Variants in IL1RAPL2 observed in about 807,000 individuals in gnomAD.
The protein encoded by IL1RAPL2 is X-linked interleukin-1 receptor accessory protein-like 2.
Under a neutral mutation model 44.1 loss-of-function variants are expected in IL1RAPL2, and 3 were observed. The ratio of observed to expected loss-of-function variants is 0.07; its 90% CI spans 0.03 to 0.18. The LOEUF (loss-of-function observed/expected upper bound fraction) is 0.18, where lower values mean the gene tolerates loss of function less well. IL1RAPL2 is among the 10% of genes least tolerant of loss of function. The pLI is 1.00. For synonymous variants in IL1RAPL2, 181 were observed against 178.8 expected (o/e 1.01, Z -0.10); for missense variants, 391 against 496.4 (o/e 0.79, Z 2.02).
At chrX:105,257,026 T>G (rs1159471204) in intron 4 of IL1RAPL2, among the ~76,000 whole-genome samples, 1 of 111,933 alleles carries the variant, frequency 8.9e-6, no homozygotes, top group Non-Finnish European at 1.9e-5. Flanking sequence ...TCAGTTTTGA[T>G]GTTAGGTTGT....
intron 1 of IL1RAPL2, among the ~76,000 whole-genome samples, chrX:104,643,870 A>T (rs1423705943): frequency 1.8e-5 from 2 of 111,704 alleles, no homozygotes; most frequent in Non-Finnish European, 3.8e-5. Flanking sequence ...CTGTAGTAAA[A>T]TTACTTAGCT....
chrX:104,871,417 C>T (rs1284748528), intron 2 of IL1RAPL2, among the ~76,000 whole-genome samples: 1 of 111,515 alleles, frequency 9.0e-6, no homozygotes, highest in African/African-American at 3.3e-5. Context: ...CAAGGTGCTG[C>T]TATTGAATCT....
chrX:104,660,620 GACAC>G (rs3055134), intron 2 of IL1RAPL2, among the ~76,000 whole-genome samples: 1 of 95,548 alleles, frequency 1.0e-5, no homozygotes. Context: ...TGTATGTATA[GACAC>G]ACACACACAC....
chrX:104,596,610 G>C (rs372697549), intron 1 of IL1RAPL2, among the ~76,000 whole-genome samples: 2 of 111,375 alleles, frequency 1.8e-5, no homozygotes, highest in Non-Finnish European at 3.8e-5. Flanking sequence ...TCCCTGCATT[G>C]TTTGGCTTTT....
At chrX:105,366,091 G>T (rs1047148123) in intron 5 of IL1RAPL2, among the ~76,000 whole-genome samples, 6 of 110,989 alleles carry the variant, frequency 5.4e-5, no homozygotes, top group African/African-American at 2.0e-4. Flanking sequence ...GGGATTACAG[G>T]CGCCTGCCAT....
At chrX:105,323,915 C>G (rs1437063257) in intron 5 of IL1RAPL2, among the ~76,000 whole-genome samples, 2 of 110,899 alleles carry the variant, frequency 1.8e-5, no homozygotes, top group African/African-American at 6.6e-5. Flanking sequence ...CACACACACA[C>G]AGCCCTCAAT....
intron 6 of IL1RAPL2, among the ~76,000 whole-genome samples, chrX:105,572,408 A>G (rs2037020438): frequency 8.9e-6 from 1 of 111,964 alleles, no homozygotes; most frequent in African/African-American, 3.2e-5. Flanking sequence ...AAGATAGTTC[A>G]TGGATGAAAA....
chrX:104,950,645 C>G (rs186781471), intron 2 of IL1RAPL2, among the ~76,000 whole-genome samples: 8 of 112,539 alleles, frequency 7.1e-5, no homozygotes, highest in East Asian at 2.8e-4. Context: ...TAGGACCCTC[C>G]GAGCTAGGTG....
chrX:105,098,615 C>T (rs1569381781), intron 2 of IL1RAPL2, among the ~76,000 whole-genome samples: 2 of 112,211 alleles, frequency 1.8e-5, no homozygotes, highest in African/African-American at 6.5e-5. Flanking sequence ...GCTGTTCATA[C>T]TTTGTATGAA....
chrX:105,220,714 C>A (rs1446621172), intron 3 of IL1RAPL2: 2 of 223,895 alleles, frequency 8.9e-6, no homozygotes, highest in Non-Finnish European at 1.6e-5. Context: ...GGGCCAACGT[C>A]GGCTTTTACT....
chrX:104,933,418 A>G (rs1924955168), intron 2 of IL1RAPL2, among the ~76,000 whole-genome samples: 1 of 111,720 alleles, frequency 9.0e-6, no homozygotes, highest in African/African-American at 3.3e-5. Context: ...TTAGATAGCT[A>G]GAAGGCTGGA....
intron 1 of IL1RAPL2, among the ~76,000 whole-genome samples, chrX:104,596,332 A>G (rs1928763939): frequency 9.0e-6 from 1 of 111,616 alleles, no homozygotes; most frequent in African/African-American, 3.3e-5. Flanking sequence ...TAGATTCATA[A>G]TGGAAGGAAA....
intron 5 of IL1RAPL2, among the ~76,000 whole-genome samples, chrX:105,269,422 T>C (rs1441336681): frequency 9.0e-6 from 1 of 110,729 alleles, no homozygotes; most frequent in East Asian, 2.8e-4. Flanking sequence ...AATATACATA[T>C]ATATTACTTC....
At chrX:104,679,863 G>A (rs1018107600) in intron 2 of IL1RAPL2, among the ~76,000 whole-genome samples, 3 of 111,743 alleles carry the variant, frequency 2.7e-5, no homozygotes, top group African/African-American at 9.8e-5. Flanking sequence ...ATAGGTTCAG[G>A]TTAATTTACA....
chrX:104,746,535 T>C (rs974957169), intron 2 of IL1RAPL2, among the ~76,000 whole-genome samples: 5 of 111,841 alleles, frequency 4.5e-5, no homozygotes, highest in African/African-American at 1.6e-4. Flanking sequence ...AATAGTGATC[T>C]GAGTGACACT....
chrX:104,772,450 A>T (rs1932655249), intron 2 of IL1RAPL2, among the ~76,000 whole-genome samples: 1 of 112,301 alleles, frequency 8.9e-6, no homozygotes, highest in African/African-American at 3.2e-5. Context: ...TTAACAATGG[A>T]AATTTATTTG....
intron 10 of IL1RAPL2, among the ~76,000 whole-genome samples, chrX:105,756,390 T>C (rs997033874): frequency 1.8e-5 from 2 of 111,518 alleles, no homozygotes; most frequent in African/African-American, 6.5e-5. Context: ...GGAACCTAGA[T>C]TTATTTGACT....
At chrX:104,910,208 C>T (rs1281441233) in intron 2 of IL1RAPL2, among the ~76,000 whole-genome samples, 3 of 112,174 alleles carry the variant, frequency 2.7e-5, no homozygotes, top group African/African-American at 9.7e-5. Flanking sequence ...CGCCATGCTT[C>T]GGCTCGCTCA....
intron 2 of IL1RAPL2, among the ~76,000 whole-genome samples, chrX:104,892,361 G>T (rs890743746): frequency 2.7e-5 from 3 of 111,940 alleles, no homozygotes; most frequent in African/African-American, 9.8e-5. Context: ...AATCATTTCA[G>T]AAGGAATGGT....
Sources: gnomAD v4.1 joint callset for allele counts (sites outside exome capture counted in the v4.1 genomes callset) on GRCh38, gnomAD v4.1.1 for gene constraint, MANE v1.5 for transcripts, NCBI Gene and HGNC (gene_info 2026-07-23, HGNC 2026-07-21) for gene names.